Variants in PDS5A observed in about 807,000 individuals in gnomAD.
PDS5A encodes the protein PDS5 cohesin associated factor A.
A neutral mutation model predicts 167.1 loss-of-function variants in PDS5A; 42 were observed. That is an observed-to-expected ratio of 0.25 (90% CI 0.20 to 0.33). PDS5A has a LOEUF of 0.33. Ranked by LOEUF, PDS5A falls within the 10% of genes least tolerant of loss-of-function variation. PDS5A has a pLI of 1.00. For synonymous variants in PDS5A, 553 were observed against 554.6 expected (o/e 1.00, Z 0.04); for missense variants, 1,033 against 1,605.9 (o/e 0.64, Z 6.10).
intron 19 of PDS5A, among the ~76,000 whole-genome samples, chr4:39,876,752 T>C (rs542070637): frequency 1.3e-5 from 2 of 152,356 alleles, no homozygotes; most frequent in Admixed American, 6.5e-5. Flanking sequence ...CTTAATATCT[T>C]AAAATACTTT....
intron 26 of PDS5A, among the ~76,000 whole-genome samples, chr4:39,857,399 G>C (rs2109534352): frequency 6.9e-6 from 1 of 144,270 alleles, no homozygotes; most frequent in African/African-American, 2.5e-5. Flanking sequence ...TTTTACAAAA[G>C]AGAAGTCAGA....
chr4:39,831,204 T>A (rs1350697296), intron 32 of PDS5A, among the ~76,000 whole-genome samples: 2 of 151,946 alleles, frequency 1.3e-5, no homozygotes, highest in African/African-American at 4.8e-5. Context: ...CTCCTGGCAA[T>A]TCTTCTGCCT....
chr4:39,833,484 G>T (rs1716113563), intron 32 of PDS5A, among the ~76,000 whole-genome samples: 1 of 152,034 alleles, frequency 6.6e-6, no homozygotes, highest in African/African-American at 2.4e-5. Context: ...GACCTCCCAG[G>T]CTCAGGTGAT....
In PDS5A at chr4:39,910,289, T is replaced by C; in HGVS notation, c.1042A>G (p.Ser348Gly). ...TCTGGGTGATTCATTAAACAATGAC[T>C]GGCAAATTTCACACTTTCTAATCTC... is the stretch of plus-strand genomic sequence containing the variant. ...PVRLESVKFA[S>G]HCLMNHPDLA... Residue 348 changes from serine (S) to glycine (G), a missense_variant, in exon 10 of 33, where the codon AGT (serine) becomes GGT (glycine). Around this residue, in one of 4 missense-constraint regions of PDS5A, gnomAD observed 388 missense variants for 615.1 expected, o/e 0.63. Coordinates refer to ENST00000303538, the MANE Select transcript of PDS5A (RefSeq NM_001100399.2). 2.5e-6 allele frequency: 4 copies of C among 1,592,550 alleles called. 1 individual carries two copies. Among genetic ancestry groups the C allele is most frequent in the Non-Finnish European group, 3.4e-6 (4 of 1,164,360 alleles).
At chr4:39,950,870 T>C (rs1483163543) in intron 2 of PDS5A, among the ~76,000 whole-genome samples, 2 of 151,988 alleles carry the variant, frequency 1.3e-5, no homozygotes, top group Non-Finnish European at 2.9e-5. Context: ...TTACTACAGG[T>C]GGGAGCCACT....
At chr4:39,945,322 G>A (rs574361781) in intron 2 of PDS5A, among the ~76,000 whole-genome samples, 41 of 151,942 alleles carry the variant, frequency 2.7e-4, no homozygotes, top group African/African-American at 9.4e-4. Context: ...TTAGCCAGGC[G>A]TGGTGGCAGG....
intron 25 of PDS5A, 59 bp downstream of exon 25, chr4:39,862,809 AC>A: frequency 9.3e-7 from 1 of 1,075,322 alleles, no homozygotes; most frequent in Non-Finnish European, 1.4e-6. Context: ...GAAAAAAAAA[AC>A]CTAAAAATGG....
intron 32 of PDS5A, among the ~76,000 whole-genome samples, chr4:39,835,246 T>C (rs1157999201): frequency 2.6e-5 from 4 of 151,650 alleles, no homozygotes; most frequent in African/African-American, 9.7e-5. Context: ...CACCTGGCCA[T>C]AAACATTTAA....
At chr4:39,849,453 AAAAC>A in intron 27 of PDS5A, 63 bp downstream of exon 27, 2 of 1,163,538 alleles carry the variant, frequency 1.7e-6, no homozygotes, top group Non-Finnish European at 2.4e-6. Flanking sequence ...AAAAAAAAAA[AAAAC>A]CAAGTGGGAC....
intron 17 of PDS5A, among the ~76,000 whole-genome samples, chr4:39,884,315 G>A (rs973191331): frequency 2.0e-5 from 3 of 152,144 alleles, no homozygotes; most frequent in African/African-American, 7.2e-5. Flanking sequence ...GGTTTAGAAG[G>A]GTGACAAGGC....
At chr4:39,946,915 G>A (rs1727827957) in intron 2 of PDS5A, among the ~76,000 whole-genome samples, 2 of 151,714 alleles carry the variant, frequency 1.3e-5, no homozygotes, top group South Asian at 4.2e-4. Flanking sequence ...TTGTGTCTTG[G>A]GAAAAAGAGA....
At chr4:39,826,155 T>C (rs1395155725) in intron 32 of PDS5A, among the ~76,000 whole-genome samples, 1 of 150,890 alleles carries the variant, frequency 6.6e-6, no homozygotes, top group Non-Finnish European at 1.5e-5. Flanking sequence ...CGTTTTAGCA[T>C]ACTAAAAACA....
intron 16 of PDS5A, among the ~76,000 whole-genome samples, chr4:39,894,441 A>G (rs920008127): frequency 7.2e-5 from 11 of 151,962 alleles, no homozygotes; most frequent in African/African-American, 2.7e-4. Context: ...AAGTAAATAA[A>G]ATTTAAAAAA....
At position 39,855,317 on chromosome 4, in the gene PDS5A, A is replaced by G. The variant is rs1718445846; in HGVS notation, c.3087-5665T>C. 2.6e-5 allele frequency among the ~76,000 whole-genome samples: 4 copies of G among 152,364 alleles called. No individual in the cohort carries two copies. The South Asian group carries it at 8.3e-4, about 32-fold the overall frequency. On this transcript the variant is annotated intron_variant, in intron 26 of 32. Coordinates refer to ENST00000303538, the MANE Select transcript of PDS5A (RefSeq NM_001100399.2). ...ACAGACTTTGTGAAAGTAGTTTGGA[A>G]AAGTCAGAATGGTGGACTGCGCCCT... is the stretch of plus-strand genomic sequence containing the variant.
At chr4:39,878,736 A>G (rs1169968896) in intron 18 of PDS5A, among the ~76,000 whole-genome samples, 1 of 152,166 alleles carries the variant, frequency 6.6e-6, no homozygotes, top group Non-Finnish European at 1.5e-5. Flanking sequence ...CAATTCTATT[A>G]ATGAAATGAT....
At chr4:39,868,383 C>T (rs1360398652) in intron 22 of PDS5A, among the ~76,000 whole-genome samples, 8 of 152,144 alleles carry the variant, frequency 5.3e-5, no homozygotes, top group African/African-American at 1.4e-4. Context: ...AGCTGGAGGG[C>T]GGTGGCGGGA....
chr4:39,906,712 T>C (rs1011603498), intron 11 of PDS5A, among the ~76,000 whole-genome samples: 2 of 149,544 alleles, frequency 1.3e-5, no homozygotes, highest in African/African-American at 4.9e-5. Context: ...AATCCAAGAG[T>C]TCAAGTTCAG....
chr4:39,906,494 T>C (rs1400433869), intron 11 of PDS5A, among the ~76,000 whole-genome samples: 2 of 151,106 alleles, frequency 1.3e-5, no homozygotes, highest in African/African-American at 2.4e-5. Flanking sequence ...GAAGGTTTAA[T>C]AGGGTAGGAA....
At chr4:39,889,665 G>C (rs1050425172) in intron 17 of PDS5A, among the ~76,000 whole-genome samples, 1 of 152,220 alleles carries the variant, frequency 6.6e-6, no homozygotes, top group African/African-American at 2.4e-5. Context: ...CTTAACTAAT[G>C]TCTATGATGC....
Sources: allele counts gnomAD v4.1 joint callset (sites outside exome capture counted in the v4.1 genomes callset), GRCh38; gene constraint gnomAD v4.1.1; regional missense constraint gnomAD v4.1.1; transcripts MANE v1.5; gene names NCBI Gene and HGNC (gene_info 2026-07-23, HGNC 2026-07-21).